PDE3B: variants seen among roughly 807,000 people sequenced by gnomAD.
The protein encoded by PDE3B is cGMP-inhibited 3',5'-cyclic phosphodiesterase 3B.
Under a neutral mutation model 116.8 loss-of-function variants are expected in PDE3B, and 66 were observed. The ratio of observed to expected loss-of-function variants is 0.56; its 90% CI spans 0.46 to 0.69. PDE3B has a LOEUF of 0.69. Among genes scored for constraint, PDE3B ranks in the 30% least tolerant of loss-of-function variants. The probability of loss-of-function intolerance (pLI) is 0.00; values close to 1 mark genes in which losing one functional copy is unlikely to be tolerated. For missense variants in PDE3B, 1,384 were observed against 1,368.1 expected, an observed-to-expected ratio of 1.01 and a Z score of -0.18; for synonymous variants, 595 against 533.6, an observed-to-expected ratio of 1.12 and a Z score of -1.59.
chr11:14,645,284 C>G (rs1212588309), intron 1 of PDE3B, among the ~76,000 whole-genome samples: 5 of 148,472 alleles, frequency 3.4e-5, no homozygotes, highest in African/African-American at 1.2e-4. Flanking sequence ...GAATAGAAAT[C>G]AAATAGCCCG....
intron 3 of PDE3B, among the ~76,000 whole-genome samples, chr11:14,788,097 A>T (rs547107092): frequency 7.9e-5 from 12 of 151,902 alleles, no homozygotes; most frequent in Non-Finnish European, 1.6e-4. Context: ...AGAGTAAGTC[A>T]TATAAGAACC....
At chr11:14,841,484 C>G (rs1860222639) in intron 11 of PDE3B, among the ~76,000 whole-genome samples, 1 of 150,050 alleles carries the variant, frequency 6.7e-6, no homozygotes, top group Non-Finnish European at 1.5e-5. Context: ...ACAAAATGAT[C>G]TCTTATCTTA....
intron 1 of PDE3B, among the ~76,000 whole-genome samples, chr11:14,722,420 A>G (rs939717546): frequency 3.3e-5 from 5 of 152,210 alleles, no homozygotes; most frequent in African/African-American, 1.2e-4. Flanking sequence ...CAATAAAAAA[A>G]TAACATTTTT....
rs148903295 is a variant in PDE3B at position 14,768,358 on chromosome 11, T to A, written c.979-3579T>A. On this transcript the variant is annotated intron_variant, in intron 1 of 15. Transcript: ENST00000282096. ...TCACTCCTGGATCTGGTTCACTTCT[T>A]TTTCTTTTAGAGATAATCACCATCC... Among the ~76,000 whole-genome samples, 378 of 151,692 alleles carry A rather than the reference T, an allele frequency of 2.5e-3. 4 individuals are homozygous for A. Among genetic ancestry groups the A allele is most frequent in the African/African-American group, 8.7e-3 (361 of 41,518 alleles).
chr11:14,849,287 T>C (rs1436249370), intron 12 of PDE3B, among the ~76,000 whole-genome samples: 2 of 151,616 alleles, frequency 1.3e-5, no homozygotes, highest in Non-Finnish European at 3.0e-5. Flanking sequence ...TAGCCATATG[T>C]AGAAAGCTGA....
chr11:14,782,411 G>C (rs1858038160), intron 2 of PDE3B, among the ~76,000 whole-genome samples: 2 of 152,110 alleles, frequency 1.3e-5, no homozygotes, highest in East Asian at 3.9e-4. Flanking sequence ...CCAAAACAGA[G>C]ATATAGACCA....
chr11:14,690,410 A>G (rs1036804995), intron 1 of PDE3B, among the ~76,000 whole-genome samples: 1 of 152,226 alleles, frequency 6.6e-6, no homozygotes, highest in African/African-American at 2.4e-5. Flanking sequence ...AGAAAACCTT[A>G]CATATAATTG....
intron 1 of PDE3B, among the ~76,000 whole-genome samples, chr11:14,687,385 A>G (rs1247521202): frequency 6.6e-6 from 1 of 152,162 alleles, no homozygotes. Flanking sequence ...ATAGTGTGGG[A>G]GCTTTTTTCT....
chr11:14,724,763 A>G (rs373891968), intron 1 of PDE3B, among the ~76,000 whole-genome samples: 4 of 152,330 alleles, frequency 2.6e-5, no homozygotes, highest in Non-Finnish European at 5.9e-5. Flanking sequence ...GGGAGTGAGA[A>G]GAGAAGAAGG....
At chr11:14,868,889 C>T (rs1555008535) in intron 15 of PDE3B, among the ~76,000 whole-genome samples, 1 of 152,042 alleles carries the variant, frequency 6.6e-6, no homozygotes, top group Non-Finnish European at 1.5e-5. Flanking sequence ...GAAATGGTGG[C>T]AGGCGCCTGT....
intron 1 of PDE3B, among the ~76,000 whole-genome samples, chr11:14,676,387 T>TG (rs1425247344): frequency 6.6e-6 from 1 of 152,190 alleles, no homozygotes; most frequent in African/African-American, 2.4e-5. Context: ...TACAGCATGT[T>TG]ACTGTACTGA....
intron 1 of PDE3B, among the ~76,000 whole-genome samples, chr11:14,745,723 AT>A (rs895081695): frequency 2.0e-5 from 3 of 150,608 alleles, no homozygotes; most frequent in Admixed American, 6.6e-5. Flanking sequence ...TCCCTTCACC[AT>A]TTTTTTTCCA....
chr11:14,655,406 A>G (rs1249206808), intron 1 of PDE3B, among the ~76,000 whole-genome samples: 1 of 152,178 alleles, frequency 6.6e-6, no homozygotes, highest in Non-Finnish European at 1.5e-5. Flanking sequence ...CCTTTTGTAT[A>G]TTTTATTTAT....
At chr11:14,738,415 T>C (rs1404320054) in intron 1 of PDE3B, among the ~76,000 whole-genome samples, 1 of 152,256 alleles carries the variant, frequency 6.6e-6, no homozygotes, top group South Asian at 2.1e-4. Flanking sequence ...CATAAATGTC[T>C]TCTTTTGAGA....
intron 1 of PDE3B, among the ~76,000 whole-genome samples, chr11:14,765,007 ATTTAT>A (rs1390591793): frequency 1.3e-5 from 2 of 151,846 alleles, no homozygotes; most frequent in Non-Finnish European, 2.9e-5. Context: ...TTGGCTATTC[ATTTAT>A]TTTGTTTTTG....
the PDE3B span, chr11:14,880,503 A>T: frequency 1.2e-6 from 2 of 1,613,492 alleles, no homozygotes; most frequent in South Asian, 2.2e-5. Context: ...TAAATAACTC[A>T]ATCATGTGCT....
intron 1 of PDE3B, among the ~76,000 whole-genome samples, chr11:14,714,067 T>C (rs1350302294): frequency 6.6e-6 from 1 of 152,104 alleles, no homozygotes; most frequent in Non-Finnish European, 1.5e-5. Flanking sequence ...TGTGACTTTT[T>C]TTTTAAAAAA....
chr11:14,674,636 T>C, intron 1 of PDE3B: 1 of 297,622 alleles, frequency 3.4e-6, no homozygotes, highest in Non-Finnish European at 6.6e-6. Flanking sequence ...GCTAACAATC[T>C]TCTAAAGTTG....
intron 15 of PDE3B, among the ~76,000 whole-genome samples, chr11:14,868,780 A>C (rs1848092528): frequency 1.3e-5 from 2 of 152,206 alleles, no homozygotes; most frequent in African/African-American, 4.8e-5. Flanking sequence ...AAATGTATTT[A>C]AAATTCTTTT....
Sources: gnomAD v4.1 joint callset for allele counts (sites outside exome capture counted in the v4.1 genomes callset) on GRCh38, gnomAD v4.1.1 for gene constraint, MANE v1.5 for transcripts, NCBI Gene and HGNC (gene_info 2026-07-23, HGNC 2026-07-21) for gene names.